DENND5B: variants seen among roughly 807,000 people sequenced by gnomAD.
DENND5B encodes the protein DENN domain containing 5B, also known as DENN domain-containing protein 5B.
A neutral mutation model predicts 140.6 loss-of-function variants in DENND5B; 34 were observed. That is an observed-to-expected ratio of 0.24 (90% CI 0.18 to 0.32). DENND5B has a LOEUF of 0.32. Among genes scored for constraint, DENND5B ranks in the 10% least tolerant of loss-of-function variants. DENND5B has a pLI of 1.00. For missense variants in DENND5B, 1,142 were observed against 1,560.2 expected (o/e 0.73, Z 4.52); for synonymous variants, 551 against 562.1 (o/e 0.98, Z 0.28).
rs1945363775 is a variant in DENND5B, at chr12:31,468,126, C to T, written c.905-7745G>A. 3.3e-5 allele frequency among the ~76,000 whole-genome samples: 5 copies of T among 152,098 alleles called. No homozygotes were observed. In the South Asian group the frequency reaches 1.0e-3, roughly 32 times the overall value. The stretch of plus-strand genomic sequence containing the variant: ...AAAATTGGCCAGGTGTGGTGGCATG[C>T]ACCTGTAGTCCCAGCTACAAGGGAG... On this transcript the variant is annotated intron_variant, in intron 3 of 20. Coordinates refer to ENST00000389082, the MANE Select transcript of DENND5B (RefSeq NM_144973.4).
intron 13 of DENND5B, among the ~76,000 whole-genome samples, chr12:31,412,396 G>T (rs186408688): frequency 6.6e-6 from 1 of 152,308 alleles, no homozygotes; most frequent in East Asian, 1.9e-4. Flanking sequence ...ATGTTCCCAT[G>T]GCTGTCGCAG....
At chr12:31,391,811 C>T (rs913802596) in intron 19 of DENND5B, among the ~76,000 whole-genome samples, 5 of 151,982 alleles carry the variant, frequency 3.3e-5, no homozygotes, top group Non-Finnish European at 5.9e-5. Flanking sequence ...CAGGTATGTG[C>T]TACCACACCC....
chr12:31,471,039 T>G (rs956088627), intron 3 of DENND5B, among the ~76,000 whole-genome samples: 3 of 152,168 alleles, frequency 2.0e-5, no homozygotes, highest in African/African-American at 7.2e-5. Flanking sequence ...AAGTTAAATA[T>G]AAAATCCCTT....
intron 1 of DENND5B, 42 bp downstream of exon 1, chr12:31,590,664 C>A: frequency 7.0e-7 from 1 of 1,425,752 alleles, no homozygotes; most frequent in Non-Finnish European, 9.1e-7. Context: ...GCGTCCCCCG[C>A]GCCCCTGAGG....
intron 8 of DENND5B, among the ~76,000 whole-genome samples, chr12:31,428,754 C>T (rs952540881): frequency 6.6e-6 from 1 of 151,932 alleles, no homozygotes; most frequent in South Asian, 2.1e-4. Context: ...ATTTTTGAGA[C>T]GGAGTCTCCC....
Position 31,464,121 on chromosome 12 carries a change from G to T in DENND5B, c.905-3740C>A, listed in dbSNP as rs1565605171. 2.0e-5 allele frequency among the ~76,000 whole-genome samples: 3 copies of T among 152,116 alleles called. No homozygotes were observed. In the South Asian group the frequency reaches 6.2e-4, roughly 32 times the overall value. ...TTTTATAATTGATACTCAAAGTGAT[G>T]AATGTATAAAAGAAGTTATTTTAAT... On this transcript the variant is annotated intron_variant, in intron 3 of 20. Transcript: ENST00000389082.
In DENND5B at chr12:31,385,871, T is replaced by C. The variant is rs1940830992; in HGVS notation, c.*1732A>G. Reference sequence around the variant, plus strand: ...TTTTGTATTTTTAGTAGAGACGGGGTTTCACGGTGTTAGCCAGGAGGGTCT... The same window carrying C: ...TTTTGTATTTTTAGTAGAGACGGGGCTTCACGGTGTTAGCCAGGAGGGTCT... On this transcript the variant is annotated 3_prime_UTR_variant, in exon 21 of 21. Transcript: ENST00000389082. 1 of 152,258 alleles carries C rather than the reference T, an allele frequency of 6.6e-6. No individual in the cohort carries two copies. Among genetic ancestry groups the C allele is most frequent in the Non-Finnish European group, 1.5e-5 (1 of 68,234 alleles). The allele number at this position is 152,258 out of a possible 1,614,324, so 9.4% of individuals were successfully genotyped here. A position where few individuals can be genotyped will look rare whatever the true frequency, so the allele number is the denominator to read the frequency against.
intron 1 of DENND5B, among the ~76,000 whole-genome samples, chr12:31,579,283 G>A (rs1301651416): frequency 6.6e-6 from 1 of 152,238 alleles, no homozygotes; most frequent in Non-Finnish European, 1.5e-5. Context: ...TGTCTCAGCA[G>A]CAGATAAAAT....
At chr12:31,590,258 C>G (rs1053903953) in intron 1 of DENND5B, 4 of 152,490 alleles carry the variant, frequency 2.6e-5, no homozygotes, top group African/African-American at 9.6e-5. Flanking sequence ...GTCCGACTCC[C>G]CGTCTCCCGA....
chr12:31,456,832 T>C (rs979040214), intron 4 of DENND5B, among the ~76,000 whole-genome samples: 41 of 152,260 alleles, frequency 2.7e-4, no homozygotes, highest in African/African-American at 9.1e-4. Flanking sequence ...ATGCTGGTAA[T>C]CTTTGGAAAG....
chr12:31,479,800 A>G lies in DENND5B; in HGVS notation c.693T>C (p.Asn231=). Residue 231 remains asparagine (N), a synonymous_variant, in exon 3 of 21, where the codon AAT becomes AAC. Transcript: ENST00000389082. ...GTGGAAGGGGTACTTCATAAAGAATATTGTGGATATAGCTTTCAAGTGGCA... is the reference window on the plus strand; with the variant it reads ...GTGGAAGGGGTACTTCATAAAGAATGTTGTGGATATAGCTTTCAAGTGGCA... ...PPLPLESYIH[N]ILYEVPLPPP... The G allele has an allele frequency of 6.2e-7, 1 of 1,613,210 alleles. No homozygotes were observed. The highest frequency in any genetic ancestry group is 8.5e-7 in the Non-Finnish European group (1 of 1,179,548).
chr12:31,524,440 G>A (rs1463010905), intron 1 of DENND5B, among the ~76,000 whole-genome samples: 1 of 152,094 alleles, frequency 6.6e-6, no homozygotes, highest in Non-Finnish European at 1.5e-5. Context: ...ATCACCTGAG[G>A]TCAGGAGTTC....
At chr12:31,533,018 C>G (rs886330017) in intron 1 of DENND5B, among the ~76,000 whole-genome samples, 1 of 152,190 alleles carries the variant, frequency 6.6e-6, no homozygotes, top group African/African-American at 2.4e-5. Flanking sequence ...ACTACATCAC[C>G]TGCAGTTCTT....
chr12:31,495,389 C>CTTTTTTTTTTTTTTTTTTTTTTT (rs149645342), intron 2 of DENND5B, among the ~76,000 whole-genome samples: 1 of 136,206 alleles, frequency 7.3e-6, no homozygotes, highest in African/African-American at 2.8e-5. Flanking sequence ...CTTTTTTTTT[C>CTTTTTTTTTTTTTTTTTTTTTTT]TTTTTTTGAG....
At position 31,472,560 on chromosome 12, in the gene DENND5B, G is replaced by A. The variant is rs150940699; in HGVS notation, c.904+7029C>T. On this transcript the variant is annotated intron_variant, in intron 3 of 20. Coordinates refer to ENST00000389082, the MANE Select transcript of DENND5B (RefSeq NM_144973.4). ...GCCCACCTCGGCCTTCCAAAGCATT[G>A]GGATTACAGACATGAGCCACGGCAC... 2.0e-3 allele frequency among the ~76,000 whole-genome samples: 308 copies of A among 152,162 alleles called. 19 individuals carry two copies. In the East Asian group the frequency reaches 0.057, roughly 28 times the overall value.
chr12:31,393,349 C>A (rs914792593), intron 17 of DENND5B, among the ~76,000 whole-genome samples: 20 of 152,100 alleles, frequency 1.3e-4, no homozygotes, highest in Admixed American at 1.3e-3. Context: ...GGCATCTGGG[C>A]CTGAAGCCCA....
chr12:31,579,772 A>C (rs1950153731), intron 1 of DENND5B, among the ~76,000 whole-genome samples: 2 of 122,632 alleles, frequency 1.6e-5, no homozygotes, highest in Admixed American at 9.3e-5. Flanking sequence ...GAAGGGAGGA[A>C]GGAAGGAAGG....
intron 12 of DENND5B, 74 bp from the exon 13 acceptor site, chr12:31,413,638 C>G: frequency 2.0e-6 from 3 of 1,475,214 alleles, no homozygotes; most frequent in Admixed American, 2.2e-5. Context: ...AAAGAGTGAA[C>G]AGTACTGGGC....
chr12:31,467,419 T>C (rs1945317187), intron 3 of DENND5B, among the ~76,000 whole-genome samples: 1 of 151,876 alleles, frequency 6.6e-6, no homozygotes, highest in African/African-American at 2.4e-5. Context: ...AGCCCAGGAC[T>C]TCACGACCAG....
Sources: allele counts gnomAD v4.1 joint callset (sites outside exome capture counted in the v4.1 genomes callset), GRCh38; gene constraint gnomAD v4.1.1; transcripts MANE v1.5; gene names NCBI Gene and HGNC (gene_info 2026-07-23, HGNC 2026-07-21).